Variants in OPCML observed in about 807,000 individuals in gnomAD.
The protein encoded by OPCML is opioid-binding protein/cell adhesion molecule.
Under a neutral mutation model 37.8 loss-of-function variants are expected in OPCML, and 13 were observed. That is an observed-to-expected ratio of 0.34 (90% confidence interval 0.22 to 0.55). The LOEUF (loss-of-function observed/expected upper bound fraction) is 0.55, where lower values mean the gene tolerates loss of function less well. Ranked by LOEUF, OPCML falls within the 20% of genes least tolerant of loss-of-function variation. OPCML has a pLI of 0.91. For synonymous variants in OPCML, 176 were observed against 168.8 expected (o/e 1.04, Z -0.33); for missense variants, 341 against 435.6 (o/e 0.78, Z 1.93).
At chr11:132,885,680 A>G (rs1943382137) in intron 2 of OPCML, among the ~76,000 whole-genome samples, 2 of 152,324 alleles carry the variant, frequency 1.3e-5, no homozygotes, top group Non-Finnish European at 1.5e-5. Flanking sequence ...TTCAGCTGTC[A>G]CCTGCAATAA....
intron 1 of OPCML, among the ~76,000 whole-genome samples, chr11:133,442,126 A>G (rs1056399232): frequency 2.0e-5 from 3 of 152,226 alleles, no homozygotes; most frequent in Non-Finnish European, 4.4e-5. Flanking sequence ...CGTTGCCTAG[A>G]GAACCAAAAT....
chr11:133,037,905 C>A (rs749185236), intron 1 of OPCML, among the ~76,000 whole-genome samples: 1 of 152,204 alleles, frequency 6.6e-6, no homozygotes, highest in Non-Finnish European at 1.5e-5. Flanking sequence ...ACACTCTTGC[C>A]CCTTCTGGCT....
At chr11:133,180,302 G>A (rs1047127479) in intron 1 of OPCML, among the ~76,000 whole-genome samples, 3 of 152,254 alleles carry the variant, frequency 2.0e-5, no homozygotes, top group African/African-American at 7.2e-5. Flanking sequence ...TGGGTAAAAT[G>A]CCCCTCAGTC....
At chr11:132,575,321 G>A (rs1162233022) in intron 3 of OPCML, among the ~76,000 whole-genome samples, 1 of 151,974 alleles carries the variant, frequency 6.6e-6, no homozygotes, top group Non-Finnish European at 1.5e-5. Flanking sequence ...TCTTTTGACT[G>A]CATTTTCTTC....
intron 3 of OPCML, among the ~76,000 whole-genome samples, chr11:132,655,004 G>A (rs181682627): frequency 2.0e-5 from 3 of 152,336 alleles, no homozygotes; most frequent in Admixed American, 2.0e-4. Flanking sequence ...TCCACAGGGA[G>A]ACCCCACAGG....
At chr11:133,175,145 G>A (rs963498284) in intron 1 of OPCML, among the ~76,000 whole-genome samples, 2 of 152,212 alleles carry the variant, frequency 1.3e-5, no homozygotes, top group Non-Finnish European at 2.9e-5. Context: ...GATTTTCTTG[G>A]TGTTTTAGGA....
chr11:133,240,738 A>G (rs1369270941), intron 1 of OPCML, among the ~76,000 whole-genome samples: 4 of 152,216 alleles, frequency 2.6e-5, no homozygotes, highest in Non-Finnish European at 5.9e-5. Context: ...AAGTCACCTT[A>G]AAGTCAACAC....
chr11:132,774,800 A>T (rs751179220), intron 2 of OPCML, among the ~76,000 whole-genome samples: 33 of 152,296 alleles, frequency 2.2e-4, no homozygotes, highest in East Asian at 1.2e-3. Context: ...GGTCATCATC[A>T]GGGCTGTGCA....
At chr11:133,230,676 GGCAT>G (rs1002485126) in intron 1 of OPCML, among the ~76,000 whole-genome samples, 5 of 152,188 alleles carry the variant, frequency 3.3e-5, no homozygotes, top group African/African-American at 1.2e-4. Flanking sequence ...AAAAGTAGAT[GGCAT>G]GCAGACAGTG....
chr11:132,480,080 G>C (rs2096173969), intron 4 of OPCML, among the ~76,000 whole-genome samples: 10 of 152,164 alleles, frequency 6.6e-5, no homozygotes, highest in Non-Finnish European at 1.5e-5. Flanking sequence ...TGAGCTACAG[G>C]AGGACATTCA....
chr11:132,574,172 A>T (rs2137584203), intron 3 of OPCML, among the ~76,000 whole-genome samples: 1 of 144,350 alleles, frequency 6.9e-6, no homozygotes, highest in South Asian at 2.1e-4. Context: ...TTTTTTAAAA[A>T]AGGCAATTCT....
At chr11:133,313,204 A>G (rs993273372) in intron 1 of OPCML, among the ~76,000 whole-genome samples, 30 of 152,238 alleles carry the variant, frequency 2.0e-4, no homozygotes, top group African/African-American at 7.0e-4. Context: ...CCCGGTGATC[A>G]GAACAAAGCT....
rs746386365 is a variant in OPCML at position 132,841,290 on chromosome 11, AC to A, written c.146+101635del. ...ATAATTTCTTACCTAGCACTTACTG[AC>A]CCCCCGGCCCCCACTAATTATTCCT... On this transcript the variant is annotated intron_variant, in intron 2 of 7. Transcript: ENST00000524381. Among the ~76,000 whole-genome samples the A allele has an allele frequency of 4.6e-5, 7 of 152,050 alleles. No homozygotes were observed. In the East Asian group the frequency reaches 9.7e-4, roughly 21 times the overall value.
At chr11:132,906,471 G>C (rs1302827754) in intron 2 of OPCML, among the ~76,000 whole-genome samples, 3 of 152,130 alleles carry the variant, frequency 2.0e-5, no homozygotes, top group African/African-American at 7.2e-5. Flanking sequence ...CTGTGCTGGG[G>C]GAGTCAAGTC....
At chr11:132,623,542 G>A (rs1939556355) in intron 3 of OPCML, among the ~76,000 whole-genome samples, 1 of 152,122 alleles carries the variant, frequency 6.6e-6, no homozygotes, top group Non-Finnish European at 1.5e-5. Context: ...TTACTGACAG[G>A]TGGTTACACA....
At chr11:133,060,387 G>A (rs1378584759) in intron 1 of OPCML, among the ~76,000 whole-genome samples, 10 of 152,192 alleles carry the variant, frequency 6.6e-5, no homozygotes, top group Non-Finnish European at 1.3e-4. Flanking sequence ...TAAAATATAA[G>A]CATCTGACAC....
chr11:133,524,893 G>A (rs1167015983), intron 1 of OPCML, among the ~76,000 whole-genome samples: 2 of 152,200 alleles, frequency 1.3e-5, no homozygotes, highest in Non-Finnish European at 2.9e-5. Context: ...AGGACTCAGT[G>A]GGATGGAACA....
chr11:132,704,472 A>G (rs1476469120), intron 2 of OPCML, among the ~76,000 whole-genome samples: 1 of 152,224 alleles, frequency 6.6e-6, no homozygotes, highest in East Asian at 1.9e-4. Context: ...GGTGAGAACT[A>G]GAAGCCAGTG....
In OPCML at chr11:133,024,805, C is replaced by T. The variant is rs1055693057; in HGVS notation, c.62-81795G>A. ...AGTGTAAAATGACTCTCCCAGGACTCAGTTCTATCACTGCCTGGGTGACCT... is the reference window on the plus strand; with the variant it reads ...AGTGTAAAATGACTCTCCCAGGACTTAGTTCTATCACTGCCTGGGTGACCT... On this transcript the variant is annotated intron_variant, in intron 1 of 7. Coordinates refer to ENST00000524381, the MANE Select transcript of OPCML (RefSeq NM_001012393.5). 4.1e-6 allele frequency: 4 copies of T among 985,348 alleles called. No individual in the cohort carries two copies. In the South Asian group the frequency reaches 1.9e-4, roughly 46 times the overall value. 61.0% of individuals were successfully genotyped at this position (985,348 alleles called of 1,614,324 possible). A position where few individuals can be genotyped will look rare whatever the true frequency, so the allele number is the denominator to read the frequency against.
Sources: gnomAD v4.1 joint callset for allele counts (sites outside exome capture counted in the v4.1 genomes callset) on GRCh38, gnomAD v4.1.1 for gene constraint, MANE v1.5 for transcripts, NCBI Gene and HGNC (gene_info 2026-07-23, HGNC 2026-07-21) for gene names.